FMN2: variants seen among roughly 807,000 people sequenced by gnomAD.
The protein encoded by FMN2 is formin 2, also known as formin-2.
A neutral mutation model predicts 142.3 loss-of-function variants in FMN2; 51 were observed. That is an observed-to-expected ratio of 0.36 (90% CI 0.29 to 0.45). The LOEUF (loss-of-function observed/expected upper bound fraction) is 0.45. Ranked by LOEUF, FMN2 falls within the 20% of genes least tolerant of loss-of-function variation. The probability of loss-of-function intolerance (pLI) is 1.00; values close to 1 mark genes in which losing one functional copy is unlikely to be tolerated. For synonymous variants in FMN2, 882 were observed against 869.8 expected (o/e 1.01, Z -0.25); for missense variants, 1,936 against 2,122.8 (o/e 0.91, Z 1.73).
At chr1:240,439,943 A>G (rs1675551760) in intron 16 of FMN2, among the ~76,000 whole-genome samples, 1 of 152,094 alleles carries the variant, frequency 6.6e-6, no homozygotes, top group Admixed American at 6.5e-5. Context: ...AGGGTTTGAA[A>G]CTTATTTACA....
chr1:240,442,521 A>G (rs9727739), intron 16 of FMN2, among the ~76,000 whole-genome samples: 5,497 of 152,306 alleles, frequency 0.036, 330 homozygotes, highest in African/African-American at 0.13. Context: ...AAAATCACCC[A>G]TGTGATTAGC....
chr1:240,162,005 A>C (rs1245504207), intron 2 of FMN2, among the ~76,000 whole-genome samples: 1 of 151,980 alleles, frequency 6.6e-6, no homozygotes, highest in East Asian at 1.9e-4. Context: ...TGTGGCTCAC[A>C]CATGTAATCC....
intron 1 of FMN2, among the ~76,000 whole-genome samples, chr1:240,115,494 C>G (rs1661986225): frequency 6.6e-6 from 1 of 152,162 alleles, no homozygotes; most frequent in Non-Finnish European, 1.5e-5. Context: ...CACTGACACA[C>G]ATTGCCAAAT....
chr1:240,287,147 C>G (rs1349416799), intron 7 of FMN2, among the ~76,000 whole-genome samples: 1 of 152,138 alleles, frequency 6.6e-6, no homozygotes, highest in Non-Finnish European at 1.5e-5. Context: ...CTTACATGTC[C>G]TCGTCGTCCT....
intron 2 of FMN2, among the ~76,000 whole-genome samples, chr1:240,146,351 G>A (rs1179954845): frequency 2.1e-5 from 3 of 145,144 alleles, no homozygotes; most frequent in Admixed American, 7.2e-5. Flanking sequence ...CTGAGATTGT[G>A]CCACTGCACT....
At chr1:240,322,770 G>A (rs1162225864) in intron 8 of FMN2, among the ~76,000 whole-genome samples, 1 of 152,088 alleles carries the variant, frequency 6.6e-6, no homozygotes, top group Non-Finnish European at 1.5e-5. Context: ...ATGAGAGAGG[G>A]CTTGTGGCTG....
chr1:240,164,764 A>G (rs1356665447), intron 2 of FMN2, among the ~76,000 whole-genome samples: 1 of 152,190 alleles, frequency 6.6e-6, no homozygotes, highest in East Asian at 1.9e-4. Context: ...TAGCTTTTTT[A>G]TAGCAGTTTT....
At chr1:240,339,033 A>C (rs114864390) in intron 13 of FMN2, among the ~76,000 whole-genome samples, 12 of 152,070 alleles carry the variant, frequency 7.9e-5, no homozygotes, top group Non-Finnish European at 1.6e-4. Context: ...CTAATGCTGC[A>C]GCTGATCTGA....
chr1:240,454,164 G>C (rs1396008659), intron 16 of FMN2, among the ~76,000 whole-genome samples: 1 of 147,528 alleles, frequency 6.8e-6, no homozygotes, highest in Non-Finnish European at 1.5e-5. Flanking sequence ...TTTCTTCACT[G>C]TGGATCCGTA....
At chr1:240,463,892 A>G (rs1676526469) in intron 16 of FMN2, among the ~76,000 whole-genome samples, 1 of 151,934 alleles carries the variant, frequency 6.6e-6, no homozygotes, top group South Asian at 2.1e-4. Flanking sequence ...GCTCCCAGCT[A>G]CTCGGGAGGC....
intron 2 of FMN2, among the ~76,000 whole-genome samples, chr1:240,174,641 TAG>T (rs1414456760): frequency 1.3e-5 from 2 of 152,164 alleles, no homozygotes; most frequent in Non-Finnish European, 2.9e-5. Flanking sequence ...GCTGGGATTA[TAG>T]GCGGGAGCCA....
chr1:240,430,739 TA>T (rs1675141182), intron 15 of FMN2, among the ~76,000 whole-genome samples: 1 of 150,234 alleles, frequency 6.7e-6, no homozygotes, highest in Admixed American at 6.6e-5. Flanking sequence ...AAAACTTTCC[TA>T]CCCCCGCATT....
chr1:240,275,107 T>C (rs1669151713), intron 7 of FMN2, among the ~76,000 whole-genome samples: 1 of 150,646 alleles, frequency 6.6e-6, no homozygotes, highest in African/African-American at 2.4e-5. Context: ...TCTTTTATTA[T>C]ACTTTAAGTT....
intron 7 of FMN2, among the ~76,000 whole-genome samples, chr1:240,287,670 G>A (rs559171018): frequency 1.3e-5 from 2 of 152,242 alleles, no homozygotes; most frequent in South Asian, 4.1e-4. Flanking sequence ...CTGATTTGGA[G>A]AGAGATTAAA....
At chr1:240,329,680 AATGT>A (rs1187230987) in intron 10 of FMN2, among the ~76,000 whole-genome samples, 1 of 152,228 alleles carries the variant, frequency 6.6e-6, no homozygotes, top group East Asian at 1.9e-4. Flanking sequence ...ACATTGCTAG[AATGT>A]GGCCAATACA....
intron 2 of FMN2, among the ~76,000 whole-genome samples, chr1:240,129,182 AT>A (rs977804129): frequency 2.0e-5 from 3 of 150,794 alleles, no homozygotes; most frequent in East Asian, 1.9e-4. Flanking sequence ...CCTTGAATTC[AT>A]TTTTTTTTCC....
At chr1:240,437,449 C>G (rs527685705) in intron 15 of FMN2, among the ~76,000 whole-genome samples, 5 of 151,996 alleles carry the variant, frequency 3.3e-5, no homozygotes, top group Non-Finnish European at 7.4e-5. Context: ...GTGCCCACCA[C>G]CATGCCCGGC....
intron 15 of FMN2, among the ~76,000 whole-genome samples, chr1:240,424,884 G>T (rs1452391637): frequency 6.6e-6 from 1 of 152,176 alleles, no homozygotes; most frequent in African/African-American, 2.4e-5. Context: ...CTCCAGAAAT[G>T]TCTAGGCCCC....
intron 13 of FMN2, among the ~76,000 whole-genome samples, chr1:240,340,904 T>C (rs1427309846): frequency 1.3e-5 from 2 of 152,212 alleles, no homozygotes; most frequent in African/African-American, 2.4e-5. Context: ...GAAAAATTTC[T>C]CAGCCACTGT....
Sources: allele counts gnomAD v4.1 joint callset (sites outside exome capture counted in the v4.1 genomes callset), GRCh38; gene constraint gnomAD v4.1.1; transcripts MANE v1.5; gene names NCBI Gene and HGNC (gene_info 2026-07-23, HGNC 2026-07-21).